AUTS2: variants seen among roughly 807,000 people sequenced by gnomAD.
The protein encoded by AUTS2 is activator of transcription and developmental regulator AUTS2.
In AUTS2, 17 loss-of-function variants were observed where a neutral mutation model predicts 112.4. That is an observed-to-expected ratio of 0.15 (90% CI 0.10 to 0.23). AUTS2 has a LOEUF of 0.23. Among genes scored for constraint, AUTS2 ranks in the 10% least tolerant of loss-of-function variants. The pLI is 1.00. For missense variants in AUTS2, 1,510 were observed against 1,701.6 expected (o/e 0.89, Z 1.98); for synonymous variants, 751 against 702.7 (o/e 1.07, Z -1.09).
At chr7:69,968,836 C>CT (rs1489181901) in intron 2 of AUTS2, among the ~76,000 whole-genome samples, 1 of 151,834 alleles carries the variant, frequency 6.6e-6, no homozygotes, top group Admixed American at 6.6e-5. Context: ...TTTTCAACTC[C>CT]TTTTTACTGC....
chr7:70,680,204 GA>G (rs1808136653), intron 5 of AUTS2, among the ~76,000 whole-genome samples: 1 of 151,934 alleles, frequency 6.6e-6, no homozygotes, highest in Admixed American at 6.6e-5. Context: ...ATAGAAGGAG[GA>G]AAATATTTAT....
chr7:69,915,730 A>G (rs1795550105), intron 2 of AUTS2, among the ~76,000 whole-genome samples: 2 of 152,128 alleles, frequency 1.3e-5, no homozygotes, highest in African/African-American at 4.8e-5. Context: ...ATTTTTATTT[A>G]TTTATTTATT....
chr7:70,436,254 C>T (rs746593106), intron 5 of AUTS2: 11 of 154,514 alleles, frequency 7.1e-5, no homozygotes, highest in African/African-American at 1.2e-4. Flanking sequence ...TCATGGGGTA[C>T]GGGTGGGCAA....
rs183482842 is a variant in AUTS2, at chr7:70,355,133, C to T, written c.661-80619C>T. 2.4e-3 allele frequency among the ~76,000 whole-genome samples: 354 copies of T among 150,594 alleles called. 1 individual carries two copies. The highest frequency in any genetic ancestry group is 8.3e-3 in the African/African-American group (341 of 40,944). On this transcript the variant is annotated intron_variant, in intron 4 of 18. Transcript: ENST00000342771. ...GTGTGTGTGTGTGTGTGTATATATACGGAGAGAGATTTCTGGAGTTTTTCT... is the reference window on the plus strand; with the variant it reads ...GTGTGTGTGTGTGTGTGTATATATATGGAGAGAGATTTCTGGAGTTTTTCT...
chr7:69,753,891 G>A (rs550249375), intron 1 of AUTS2, among the ~76,000 whole-genome samples: 1 of 152,320 alleles, frequency 6.6e-6, no homozygotes, highest in South Asian at 2.1e-4. Flanking sequence ...ATGGGGGCTT[G>A]TGATTAAGCT....
chr7:70,695,802 C>T (rs1809060703), intron 5 of AUTS2, among the ~76,000 whole-genome samples: 1 of 152,204 alleles, frequency 6.6e-6, no homozygotes, highest in African/African-American at 2.4e-5. Context: ...CATATTCCCC[C>T]TTCCCTTAAA....
chr7:69,715,921 C>A (rs2129207774), intron 1 of AUTS2, among the ~76,000 whole-genome samples: 1 of 152,244 alleles, frequency 6.6e-6, no homozygotes, highest in South Asian at 2.1e-4. Context: ...TGCCAGAGAT[C>A]TTTTCTCATA....
chr7:70,517,606 T>A (rs1200582551), intron 5 of AUTS2, among the ~76,000 whole-genome samples: 1 of 148,576 alleles, frequency 6.7e-6, no homozygotes, highest in African/African-American at 2.4e-5. Context: ...TATAATTAAA[T>A]AAAATATATA....
At chr7:70,274,030 T>C (rs974107357) in intron 4 of AUTS2, among the ~76,000 whole-genome samples, 2 of 152,142 alleles carry the variant, frequency 1.3e-5, no homozygotes, top group Admixed American at 1.3e-4. Context: ...AGGGCATCTT[T>C]CTCCATGAAC....
At chr7:70,159,347 A>T (rs887434690) in intron 4 of AUTS2, among the ~76,000 whole-genome samples, 1 of 152,228 alleles carries the variant, frequency 6.6e-6, no homozygotes, top group Non-Finnish European at 1.5e-5. Flanking sequence ...TGTGAAACGC[A>T]GTGTGAAATA....
chr7:70,063,296 G>A (rs1209897749), intron 2 of AUTS2, among the ~76,000 whole-genome samples: 1 of 151,692 alleles, frequency 6.6e-6, no homozygotes, highest in East Asian at 1.9e-4. Context: ...GTTCAGCCTA[G>A]GGGTTCTTTA....
intron 1 of AUTS2, among the ~76,000 whole-genome samples, chr7:69,609,767 G>C (rs1792929154): frequency 6.6e-6 from 1 of 152,198 alleles, no homozygotes; most frequent in Non-Finnish European, 1.5e-5. Flanking sequence ...ATGACGTGTT[G>C]ACTAAGGCAT....
At chr7:70,408,295 G>C (rs1191795563) in intron 4 of AUTS2, among the ~76,000 whole-genome samples, 1 of 152,120 alleles carries the variant, frequency 6.6e-6, no homozygotes, top group Non-Finnish European at 1.5e-5. Context: ...TGATCGTAGG[G>C]TCAGCTCAGG....
At chr7:69,763,378 C>T (rs1210721696) in intron 1 of AUTS2, among the ~76,000 whole-genome samples, 3 of 152,178 alleles carry the variant, frequency 2.0e-5, no homozygotes, top group Non-Finnish European at 4.4e-5. Flanking sequence ...GTATAATTTA[C>T]ATCTGTTATA....
At chr7:70,695,762 AT>A (rs1052843556) in intron 5 of AUTS2, among the ~76,000 whole-genome samples, 1 of 151,986 alleles carries the variant, frequency 6.6e-6, no homozygotes, top group Admixed American at 6.6e-5. Context: ...TTCTAGCAAT[AT>A]TTTTTTTACA....
At chr7:70,774,869 G>A (rs760467733) in intron 12 of AUTS2, 14 of 155,092 alleles carry the variant, frequency 9.0e-5, no homozygotes, top group Admixed American at 1.3e-4. Context: ...GTGAACTTCT[G>A]GAAAATGTCT....
intron 4 of AUTS2, among the ~76,000 whole-genome samples, chr7:70,411,985 C>T (rs1156360062): frequency 1.4e-5 from 2 of 148,012 alleles, no homozygotes; most frequent in Non-Finnish European, 3.0e-5. Context: ...ACCTCCACCT[C>T]GTGGGTTCAA....
chr7:69,704,253 G>T (rs1180831502), intron 1 of AUTS2, among the ~76,000 whole-genome samples: 1 of 151,638 alleles, frequency 6.6e-6, no homozygotes, highest in Admixed American at 6.6e-5. Flanking sequence ...GCCATATTAG[G>T]CTCTCTACAG....
chr7:69,980,603 A>T (rs1312638294), intron 2 of AUTS2, among the ~76,000 whole-genome samples: 1 of 152,206 alleles, frequency 6.6e-6, no homozygotes, highest in Non-Finnish European at 1.5e-5. Flanking sequence ...GTTAAAAAAA[A>T]AAAGTGTACG....
Sources: allele counts gnomAD v4.1 joint callset (sites outside exome capture counted in the v4.1 genomes callset), GRCh38; gene constraint gnomAD v4.1.1; transcripts MANE v1.5; gene names NCBI Gene and HGNC (gene_info 2026-07-23, HGNC 2026-07-21).